The following SULF1 variants were observed in gnomAD, a reference collection of about 807,000 sequenced individuals.
SULF1 encodes extracellular sulfatase Sulf-1.
Under a neutral mutation model 110.5 loss-of-function variants are expected in SULF1, and 46 were observed. The observed-to-expected ratio is 0.42, with a 90% CI of 0.33 to 0.53. SULF1 has a LOEUF of 0.53. Ranked by LOEUF, SULF1 falls within the 20% of genes least tolerant of loss-of-function variation. The pLI is 0.12. For missense variants in SULF1, 941 were observed against 1,094.2 expected, an observed-to-expected ratio of 0.86 and a Z score of 1.98; for synonymous variants, 371 against 387.1, an observed-to-expected ratio of 0.96 and a Z score of 0.49.
intron 8 of SULF1, among the ~76,000 whole-genome samples, chr8:69,594,596 T>C (rs1245312858): frequency 6.6e-6 from 1 of 152,192 alleles, no homozygotes; most frequent in African/African-American, 2.4e-5. Flanking sequence ...GAAACACCTT[T>C]GTTATCTAAA....
At chr8:69,479,261 G>A (rs940882909) in intron 1 of SULF1, among the ~76,000 whole-genome samples, 5 of 152,170 alleles carry the variant, frequency 3.3e-5, no homozygotes, top group Non-Finnish European at 7.3e-5. Flanking sequence ...TGAGGAGATT[G>A]TGACAATTCT....
rs143377434 is a variant in SULF1, at chr8:69,501,622, A to G, written c.-228-252A>G. Among the ~76,000 whole-genome samples, 8 of 152,348 alleles carry G rather than the reference A, an allele frequency of 5.3e-5. No homozygotes were observed. The East Asian group carries it at 9.6e-4, about 18-fold the overall frequency. On this transcript the variant is annotated intron_variant, in intron 2 of 22. Transcript: ENST00000402687. The stretch of plus-strand genomic sequence containing the variant: ...AAATCCAGTCAAAGAATGATATGAA[A>G]TGAATCTAATGGAAAGTCTTTTCCT...
At chr8:69,616,137 T>TATATAC (rs1554590166) in intron 13 of SULF1, among the ~76,000 whole-genome samples, 30 of 139,184 alleles carry the variant, frequency 2.2e-4, no homozygotes, top group African/African-American at 7.6e-4. Flanking sequence ...TGTATATATA[T>TATATAC]ACACACATAT....
chr8:69,512,464 G>A (rs1476072174), intron 3 of SULF1, among the ~76,000 whole-genome samples: 1 of 152,172 alleles, frequency 6.6e-6, no homozygotes, highest in Non-Finnish European at 1.5e-5. Flanking sequence ...ATATGGTATT[G>A]TAAAAAGACA....
chr8:69,526,610 AAAAAG>A (rs1483562851), intron 3 of SULF1, among the ~76,000 whole-genome samples: 15 of 136,186 alleles, frequency 1.1e-4, no homozygotes, highest in African/African-American at 3.8e-4. Context: ...AAAAAAAAAA[AAAAAG>A]AAAGAAAGAA....
At chr8:69,622,817 C>G (rs543589942) in intron 14 of SULF1, among the ~76,000 whole-genome samples, 1 of 152,068 alleles carries the variant, frequency 6.6e-6, no homozygotes, top group Admixed American at 6.5e-5. Context: ...GAGCAGGAGT[C>G]GGTTTTCACC....
At chr8:69,497,107 G>A (rs964483413) in intron 2 of SULF1, among the ~76,000 whole-genome samples, 2 of 150,382 alleles carry the variant, frequency 1.3e-5, no homozygotes, top group Non-Finnish European at 3.0e-5. Context: ...TTTGGAACCA[G>A]TTATTACTTT....
At chr8:69,590,702 G>T (rs1806835653) in intron 8 of SULF1, among the ~76,000 whole-genome samples, 1 of 152,176 alleles carries the variant, frequency 6.6e-6, no homozygotes, top group Non-Finnish European at 1.5e-5. Flanking sequence ...AATCATGAAG[G>T]TTGCCCCAGC....
intron 3 of SULF1, among the ~76,000 whole-genome samples, chr8:69,533,461 T>C (rs1222109699): frequency 6.6e-6 from 1 of 152,128 alleles, no homozygotes; most frequent in East Asian, 1.9e-4. Context: ...TGTCCACGTG[T>C]TCTCATTGTT....
intron 22 of SULF1, among the ~76,000 whole-genome samples, chr8:69,653,193 C>A (rs1812482241): frequency 6.6e-6 from 1 of 152,152 alleles, no homozygotes; most frequent in Non-Finnish European, 1.5e-5. Context: ...CCTCAGCCTT[C>A]TGAGTAGCTG....
chr8:69,573,189 TCCA>T (rs1418319274), intron 5 of SULF1, among the ~76,000 whole-genome samples: 1 of 152,116 alleles, frequency 6.6e-6, no homozygotes, highest in Non-Finnish European at 1.5e-5. Flanking sequence ...CCTATGGGGA[TCCA>T]CTGTTGTCTT....
At chr8:69,612,328 C>A (rs1462083389) in intron 13 of SULF1, among the ~76,000 whole-genome samples, 1 of 152,026 alleles carries the variant, frequency 6.6e-6, no homozygotes, top group Non-Finnish European at 1.5e-5. Context: ...TGCATGTGTC[C>A]TTTTCATATA....
intron 21 of SULF1, among the ~76,000 whole-genome samples, chr8:69,640,047 A>G (rs1173273462): frequency 6.6e-6 from 1 of 151,126 alleles, no homozygotes; most frequent in East Asian, 2.0e-4. Flanking sequence ...TTATCTGTTG[A>G]CCTTTTCCTC....
intron 13 of SULF1, among the ~76,000 whole-genome samples, chr8:69,606,873 C>A (rs985982369): frequency 6.6e-6 from 1 of 152,190 alleles, no homozygotes; most frequent in Non-Finnish European, 1.5e-5. Flanking sequence ...ATGAGAACGT[C>A]AGCAATGGTC....
At chr8:69,475,426 T>A (rs887517072) in intron 1 of SULF1, among the ~76,000 whole-genome samples, 10 of 144,186 alleles carry the variant, frequency 6.9e-5, no homozygotes, top group African/African-American at 2.4e-4. Context: ...AAAAAAAAAA[T>A]GTTGTCTATT....
chr8:69,565,103 C>T (rs1815775482), intron 5 of SULF1, among the ~76,000 whole-genome samples: 1 of 152,178 alleles, frequency 6.6e-6, no homozygotes, highest in African/African-American at 2.4e-5. Context: ...TTTGCTTTCC[C>T]ACTTGAAACC....
chr8:69,568,918 A>G (rs545689605), intron 5 of SULF1, among the ~76,000 whole-genome samples: 1 of 152,340 alleles, frequency 6.6e-6, no homozygotes, highest in Admixed American at 6.5e-5. Flanking sequence ...TGTTAAAGCT[A>G]GGAGATGCGT....
chr8:69,559,217 G>T (rs1815313260), intron 3 of SULF1, among the ~76,000 whole-genome samples: 1 of 152,084 alleles, frequency 6.6e-6, no homozygotes, highest in African/African-American at 2.4e-5. Flanking sequence ...TTCATTAAAG[G>T]TTAGTTGTAT....
intron 3 of SULF1, among the ~76,000 whole-genome samples, chr8:69,519,859 AC>A (rs1403761567): frequency 1.3e-5 from 2 of 152,218 alleles, no homozygotes; most frequent in Non-Finnish European, 2.9e-5. Flanking sequence ...AAGTAGACTC[AC>A]AAAATAAGAA....
Sources: gnomAD v4.1 joint callset for allele counts (sites outside exome capture counted in the v4.1 genomes callset) on GRCh38, gnomAD v4.1.1 for gene constraint, MANE v1.5 for transcripts, NCBI Gene and HGNC (gene_info 2026-07-23, HGNC 2026-07-21) for gene names.